Variants in LTBP1 observed in about 807,000 individuals in gnomAD.
LTBP1 encodes latent-transforming growth factor beta-binding protein 1.
A neutral mutation model predicts 207.6 loss-of-function variants in LTBP1; 129 were observed. That is an observed-to-expected ratio of 0.62 (90% CI 0.54 to 0.72). The LOEUF (loss-of-function observed/expected upper bound fraction) is 0.72. Ranked by LOEUF, LTBP1 falls within the 30% of genes least tolerant of loss-of-function variation. LTBP1 has a pLI of 0.00. For missense variants in LTBP1, 2,281 were observed against 2,217.2 expected (o/e 1.03, Z -0.58); for synonymous variants, 963 against 833.7 (o/e 1.16, Z -2.67).
At chr2:33,167,405 A>G (rs2085019436) in intron 5 of LTBP1, among the ~76,000 whole-genome samples, 1 of 151,656 alleles carries the variant, frequency 6.6e-6, no homozygotes, top group African/African-American at 2.4e-5. Flanking sequence ...CCGACCATGT[A>G]TTAAGCATTT....
intron 10 of LTBP1, among the ~76,000 whole-genome samples, chr2:33,246,587 G>A (rs979361131): frequency 2.6e-5 from 4 of 152,124 alleles, no homozygotes; most frequent in African/African-American, 9.7e-5. Flanking sequence ...CAGGCAAATG[G>A]AGGACAAATG....
intron 4 of LTBP1, among the ~76,000 whole-genome samples, chr2:33,130,994 T>A (rs2081758695): frequency 6.6e-6 from 1 of 152,202 alleles, no homozygotes; most frequent in African/African-American, 2.4e-5. Context: ...TTATAATTCC[T>A]AATCACCTGG....
At chr2:33,199,203 A>G (rs1170018196) in intron 7 of LTBP1, among the ~76,000 whole-genome samples, 69 of 151,802 alleles carry the variant, frequency 4.5e-4, no homozygotes, top group Non-Finnish European at 7.1e-4. Flanking sequence ...ATGTAGTTGA[A>G]CGGTTTTGAG....
chr2:33,228,997 C>T (rs950968788), intron 9 of LTBP1, among the ~76,000 whole-genome samples: 4 of 151,870 alleles, frequency 2.6e-5, no homozygotes, highest in Non-Finnish European at 4.4e-5. Context: ...CTGTACCCGG[C>T]CCTAACCAGG....
chr2:33,336,486 GAACTGGAT>G (rs1279299156), intron 24 of LTBP1, among the ~76,000 whole-genome samples: 1 of 149,724 alleles, frequency 6.7e-6, no homozygotes, highest in African/African-American at 2.5e-5. Flanking sequence ...TGAAGAGATT[GAACTGGAT>G]AATCTTCAGG....
At chr2:33,277,273 G>A (rs2093444732) in intron 18 of LTBP1, among the ~76,000 whole-genome samples, 1 of 152,132 alleles carries the variant, frequency 6.6e-6, no homozygotes, top group African/African-American at 2.4e-5. Flanking sequence ...TATGTTGCTG[G>A]ATCTCTGATC....
rs185691589 is a variant in LTBP1, at chr2:33,357,482, A to G, written c.4001-3115A>G. On this transcript the variant is annotated intron_variant, in intron 26 of 33. Coordinates refer to ENST00000404816, the MANE Select transcript of LTBP1 (RefSeq NM_206943.4). Reference sequence around the variant, plus strand: ...AAGGGTTTTGGGGAAAGTAGTAGACATAGGCCACTTGGAACCGACATTAGT... The same window carrying G: ...AAGGGTTTTGGGGAAAGTAGTAGACGTAGGCCACTTGGAACCGACATTAGT... Among the ~76,000 whole-genome samples, 312 of 152,328 alleles carry G rather than the reference A, an allele frequency of 2.0e-3. 1 individual carries two copies. Among genetic ancestry groups the G allele is most frequent in the Non-Finnish European group, 3.7e-3 (253 of 68,036 alleles).
intron 2 of LTBP1, among the ~76,000 whole-genome samples, chr2:32,992,687 A>G (rs1466705040): frequency 6.6e-6 from 1 of 152,192 alleles, no homozygotes; most frequent in Non-Finnish European, 1.5e-5. Flanking sequence ...ATTCCAGGAC[A>G]TGTAAGGGAA....
intron 24 of LTBP1, among the ~76,000 whole-genome samples, chr2:33,324,714 T>C (rs1293192283): frequency 4.0e-5 from 6 of 149,494 alleles, no homozygotes; most frequent in Non-Finnish European, 5.9e-5. Context: ...TTTTTTTTTT[T>C]TTTTTGAGAC....
intron 15 of LTBP1, among the ~76,000 whole-genome samples, chr2:33,272,912 T>A (rs2148353594): frequency 6.6e-6 from 1 of 152,194 alleles, no homozygotes; most frequent in South Asian, 2.1e-4. Context: ...AGACCCTCCC[T>A]CCACTGTAGT....
chr2:33,105,333 T>C (rs181233879), intron 3 of LTBP1, among the ~76,000 whole-genome samples: 3 of 152,334 alleles, frequency 2.0e-5, no homozygotes, highest in African/African-American at 7.2e-5. Flanking sequence ...ACAATGTACA[T>C]TAATTGTTTA....
intron 32 of LTBP1, among the ~76,000 whole-genome samples, chr2:33,393,445 C>G (rs2095333442): frequency 7.1e-6 from 1 of 140,824 alleles, no homozygotes; most frequent in Non-Finnish European, 1.5e-5. Context: ...TCCCCCCTCC[C>G]CCAACCCCGC....
At position 32,947,538 on chromosome 2, in the gene LTBP1, C is replaced by G; in HGVS notation, c.214C>G (p.Pro72Ala). The G allele has an allele frequency of 1.4e-6, 2 of 1,387,442 alleles. No individual in the cohort carries two copies. The highest frequency in any genetic ancestry group is 1.9e-6 in the Non-Finnish European group (2 of 1,072,906). 85.9% of individuals were successfully genotyped at this position (1,387,442 alleles called of 1,614,324 possible). The stretch of plus-strand genomic sequence containing the variant: ...CCGCAGCTCGGCGGCTGCCGGCGCC[C>G]CCAGCCGTGCCTCCCCCGGGGTCCC... ...YSRSSAAAGA[P>A]SRASPGVPSE... The change falls in exon 1 of 34, where the codon CCC becomes GCC. Residue 72 changes from proline (P) to alanine (A), a missense_variant. By Grantham distance (27) the Pro-to-Ala change is conservative (BLOSUM62 -1). Around this residue, in one of 3 missense-constraint regions of LTBP1, gnomAD observed 555 missense variants for 491.0 expected, o/e 1.13. Coordinates refer to ENST00000404816, the MANE Select transcript of LTBP1 (RefSeq NM_206943.4).
At chr2:33,057,305 C>G (rs562056854) in intron 3 of LTBP1, among the ~76,000 whole-genome samples, 43 of 152,318 alleles carry the variant, frequency 2.8e-4, no homozygotes, top group South Asian at 6.2e-4. Flanking sequence ...TTTACAATCC[C>G]TTACTAGACA....
chr2:33,316,743 C>T (rs528517964), intron 24 of LTBP1, among the ~76,000 whole-genome samples: 2 of 152,288 alleles, frequency 1.3e-5, no homozygotes, highest in South Asian at 4.2e-4. Context: ...CAAAGACACT[C>T]CATGAATGCA....
At chr2:33,326,070 T>C (rs563566291) in intron 24 of LTBP1, among the ~76,000 whole-genome samples, 1 of 135,240 alleles carries the variant, frequency 7.4e-6, no homozygotes, top group South Asian at 2.3e-4. Context: ...TTATAGTTTT[T>C]GCTTTTGTTA....
chr2:33,237,103 A>T (rs1453536816), intron 9 of LTBP1, among the ~76,000 whole-genome samples: 2 of 152,172 alleles, frequency 1.3e-5, no homozygotes, highest in African/African-American at 4.8e-5. Flanking sequence ...AGACTCATAC[A>T]ATAGTCTTTG....
intron 12 of LTBP1, 108 bp downstream of exon 12, chr2:33,257,619 T>C: frequency 2.2e-6 from 2 of 911,124 alleles, no homozygotes; most frequent in South Asian, 3.4e-5. Flanking sequence ...TAAGCACTAT[T>C]GGCATTTTAG....
At chr2:33,275,691 A>G in intron 17 of LTBP1, 110 bp from the exon 18 acceptor site, 1 of 1,434,048 alleles carries the variant, frequency 7.0e-7, no homozygotes, top group Non-Finnish European at 9.7e-7. Flanking sequence ...TCTCAAAAAA[A>G]AAAAGAAATC....
Sources: allele counts gnomAD v4.1 joint callset (sites outside exome capture counted in the v4.1 genomes callset), GRCh38; gene constraint gnomAD v4.1.1; regional missense constraint gnomAD v4.1.1; transcripts MANE v1.5; gene names NCBI Gene and HGNC (gene_info 2026-07-23, HGNC 2026-07-21).